Variants in PDIA3 observed in about 807,000 individuals in gnomAD.
PDIA3 encodes protein disulfide isomerase family A member 3.
A neutral mutation model predicts 56.9 loss-of-function variants in PDIA3; 16 were observed. The ratio of observed to expected loss-of-function variants is 0.28; its 90% CI spans 0.19 to 0.43. PDIA3 has a LOEUF of 0.43. Ranked by LOEUF, PDIA3 falls within the 20% of genes least tolerant of loss-of-function variation. The pLI is 1.00. For synonymous variants in PDIA3, 192 were observed against 216.5 expected (o/e 0.89, Z 0.99); for missense variants, 485 against 621.3 (o/e 0.78, Z 2.33).
chr15:43,754,896 A>C (rs2086768188), intron 2 of PDIA3, among the ~76,000 whole-genome samples: 1 of 151,944 alleles, frequency 6.6e-6, no homozygotes, highest in Admixed American at 6.6e-5. Flanking sequence ...TTGAGGCTGC[A>C]CTGAGCTGTG....
chr15:43,765,596 T>C (rs754837573), intron 6 of PDIA3, 30 bp downstream of exon 6: 1 of 1,319,910 alleles, frequency 7.6e-7, no homozygotes, highest in Admixed American at 1.8e-5. Flanking sequence ...TTGTCTGGGA[T>C]TTATTTGCTT....
Position 43,751,611 on chromosome 15 carries a change from G to A in PDIA3, c.168-2213G>A, listed in dbSNP as rs985937279. ...CCATTCCTGCTGGATTTGAAGAGGA[G>A]AGTCTCCTCCAGCCTCATTGAAACT... is the stretch of plus-strand genomic sequence containing the variant. On this transcript the variant is annotated intron_variant, in intron 1 of 12. Coordinates refer to ENST00000300289, the MANE Select transcript of PDIA3 (RefSeq NM_005313.5). The A allele has an allele frequency of 6.1e-6, 8 of 1,303,950 alleles. No homozygotes were observed. The African/African-American group carries it at 9.1e-5, about 15-fold the overall frequency. The allele number at this position is 1,303,950 out of a possible 1,614,324, so 80.8% of individuals were successfully genotyped here.
At chr15:43,765,790 C>A in intron 6 of PDIA3, 97 bp from the exon 7 acceptor site, 2 of 1,332,066 alleles carry the variant, frequency 1.5e-6, no homozygotes, top group Non-Finnish European at 2.1e-6. Context: ...TGTTTAAAAT[C>A]TCTTTCCTTC....
chr15:43,767,789 A>G (rs1317902472), intron 8 of PDIA3, among the ~76,000 whole-genome samples: 1 of 148,944 alleles, frequency 6.7e-6, no homozygotes, highest in African/African-American at 2.5e-5. Context: ...AAAAAAAAAA[A>G]AGAAAGAAAT....
At chr15:43,756,913 C>G (rs893832940) in intron 3 of PDIA3, 147 bp downstream of exon 3, 37 of 545,538 alleles carry the variant, frequency 6.8e-5, no homozygotes, top group Admixed American at 6.5e-4. Flanking sequence ...AACAAAAGAC[C>G]TCTCTAAATG....
chr15:43,771,618 T>TAC lies in PDIA3; in HGVS notation c.*400_*401insAC. 41 of 410,688 alleles carry TAC rather than the reference T, an allele frequency of 1.0e-4. No individual in the cohort carries two copies. In the South Asian group the frequency reaches 1.2e-3, roughly 12 times the overall value. The allele number at this position is 410,688 out of a possible 1,614,324, so 25.4% of individuals were successfully genotyped here. ...TGTTCAATAGAGCTTTCTTCAGTGA[T>TAC]GGAAATGCTCTGTAATCTACACTGT... On this transcript the variant is annotated 3_prime_UTR_variant, in exon 13 of 13. Transcript: ENST00000300289.
Position 43,755,260 on chromosome 15 carries a change from G to A in PDIA3, c.246+1358G>A, listed in dbSNP as rs529230464. On this transcript the variant is annotated intron_variant, in intron 2 of 12. Transcript: ENST00000300289. The stretch of plus-strand genomic sequence containing the variant: ...GACAATCGCTTGAACCCAGGGGGGC[G>A]GAGGTTGCAGTGAGCTGAGATCATG... Among the ~76,000 whole-genome samples the A allele has an allele frequency of 4.1e-3, 623 of 152,208 alleles. 5 individuals carry two copies. The highest frequency in any genetic ancestry group is 0.014 in the African/African-American group (575 of 41,518).
At chr15:43,758,925 T>C (rs2086796876) in intron 3 of PDIA3, among the ~76,000 whole-genome samples, 1 of 148,290 alleles carries the variant, frequency 6.7e-6, no homozygotes, top group South Asian at 2.1e-4. Context: ...TGCAGCGAGC[T>C]GAGATCACAC....
At position 43,771,839 on chromosome 15, in the gene PDIA3, T is replaced by G; in HGVS notation, c.*621T>G. 5.2e-5 allele frequency: 19 copies of G among 363,956 alleles called. No homozygotes were observed. The highest frequency in any genetic ancestry group is 8.0e-5 in the East Asian group (2 of 24,916). The allele number at this position is 363,956 out of a possible 1,614,324, so 22.5% of individuals were successfully genotyped here. ...TCCTTACATGTTTATTTCCCAGGCC[T>G]ACCCTGGTGATTAGAACAGCTGAAG... On this transcript the variant is annotated 3_prime_UTR_variant, in exon 13 of 13. Coordinates refer to ENST00000300289, the MANE Select transcript of PDIA3 (RefSeq NM_005313.5).
At chr15:43,747,033 A>G (rs1256141418) in intron 1 of PDIA3, 1 of 367,046 alleles carries the variant, frequency 2.7e-6, no homozygotes, top group Non-Finnish European at 5.1e-6. Context: ...TGCGTGAGTC[A>G]GTATTAATGC....
intron 2 of PDIA3, among the ~76,000 whole-genome samples, chr15:43,755,415 A>C (rs1029598936): frequency 6.6e-6 from 1 of 152,208 alleles, no homozygotes. Context: ...TGATATGAGG[A>C]TATTGATGAA....
intron 1 of PDIA3, among the ~76,000 whole-genome samples, chr15:43,748,332 GC>G (rs2086720598): frequency 6.6e-6 from 1 of 152,008 alleles, no homozygotes; most frequent in Non-Finnish European, 1.5e-5. Flanking sequence ...TACGAAATTA[GC>G]CGGGCATAGT....
intron 5 of PDIA3, among the ~76,000 whole-genome samples, chr15:43,763,907 T>C (rs1486451771): frequency 1.3e-5 from 2 of 152,068 alleles, no homozygotes; most frequent in Admixed American, 6.6e-5. Context: ...GGCCTTGAGA[T>C]GTAAGATAGC....
At chr15:43,754,231 TA>T (rs2086762451) in intron 2 of PDIA3, among the ~76,000 whole-genome samples, 1 of 151,532 alleles carries the variant, frequency 6.6e-6, no homozygotes, top group Non-Finnish European at 1.5e-5. Context: ...CTGTCTCAAC[TA>T]AAAATACAAA....
intron 6 of PDIA3, 55 bp from the exon 7 acceptor site, chr15:43,765,832 T>C: frequency 2.5e-6 from 4 of 1,571,902 alleles, no homozygotes; most frequent in South Asian, 2.4e-5. Flanking sequence ...GTGGCAACTT[T>C]ATGATATAGC....
intron 8 of PDIA3, 118 bp from the exon 9 acceptor site, chr15:43,768,371 G>A: frequency 1.5e-6 from 1 of 647,612 alleles, no homozygotes; most frequent in Non-Finnish European, 2.8e-6. Flanking sequence ...AGAGATGAGA[G>A]TCCCCCTTTT....
intron 3 of PDIA3, 56 bp from the exon 4 acceptor site, chr15:43,761,368 C>G: frequency 1.1e-6 from 1 of 931,220 alleles, no homozygotes. Flanking sequence ...GAATAATTGC[C>G]TTCTCAAAAA....
chr15:43,763,298 G>C, intron 5 of PDIA3, 92 bp downstream of exon 5: 1 of 1,423,412 alleles, frequency 7.0e-7, no homozygotes, highest in Non-Finnish European at 9.7e-7. Context: ...TGTCACCCAG[G>C]CTGGAGTGCA....
At chr15:43,762,085 G>T (rs931871667) in intron 4 of PDIA3, among the ~76,000 whole-genome samples, 2 of 152,094 alleles carry the variant, frequency 1.3e-5, no homozygotes, top group Non-Finnish European at 2.9e-5. Context: ...ACATGAGCCA[G>T]TTAAACACTT....
Sources: allele counts gnomAD v4.1 joint callset (sites outside exome capture counted in the v4.1 genomes callset), GRCh38; gene constraint gnomAD v4.1.1; transcripts MANE v1.5; gene names NCBI Gene and HGNC (gene_info 2026-07-23, HGNC 2026-07-21).